PTPRG: variants seen among roughly 807,000 people sequenced by gnomAD.
The protein encoded by PTPRG is receptor-type tyrosine-protein phosphatase gamma.
PTPRG carries 102 observed loss-of-function variants against 165.3 expected under a neutral mutation model. That is an observed-to-expected ratio of 0.62 (90% CI 0.53 to 0.73). The LOEUF is 0.73. Ranked by LOEUF, PTPRG falls within the 30% of genes least tolerant of loss-of-function variation. The pLI is 0.00. For missense variants in PTPRG, 1,866 were observed against 1,861.4 expected, an observed-to-expected ratio of 1.00 and a Z score of -0.05; for synonymous variants, 675 against 669.5, an observed-to-expected ratio of 1.01 and a Z score of -0.13.
intron 2 of PTPRG, among the ~76,000 whole-genome samples, chr3:61,772,014 G>C (rs2034221042): frequency 7.3e-6 from 1 of 137,072 alleles, no homozygotes; most frequent in African/African-American, 2.7e-5. Flanking sequence ...GAGCCGAGAC[G>C]ATGCCTCTGC....
intron 2 of PTPRG, chr3:61,753,478 A>G (rs919889722): frequency 9.0e-6 from 3 of 334,128 alleles, no homozygotes; most frequent in East Asian, 8.2e-5. Context: ...CAGAACTTCT[A>G]TAATTATTGC....
intron 1 of PTPRG, among the ~76,000 whole-genome samples, chr3:61,729,995 G>A (rs747779686): frequency 1.2e-4 from 19 of 152,154 alleles, no homozygotes; most frequent in Non-Finnish European, 2.4e-4. Context: ...TAACGTGGTG[G>A]TTCATTTCGT....
At chr3:62,246,612 C>T (rs1445556340) in intron 15 of PTPRG, among the ~76,000 whole-genome samples, 2 of 152,152 alleles carry the variant, frequency 1.3e-5, no homozygotes, top group African/African-American at 4.8e-5. Flanking sequence ...TTTTAACAAA[C>T]TTGTGAGTTA....
chr3:62,214,334 C>G lies in PTPRG; in HGVS notation c.2156-4517C>G, dbSNP rs1700443762. Among the ~76,000 whole-genome samples the G allele has an allele frequency of 6.6e-6, 1 of 152,152 alleles. No homozygotes were observed. The highest frequency in any genetic ancestry group is 6.5e-5 in the Admixed American group (1 of 15,282). On this transcript the variant is annotated intron_variant, in intron 12 of 29. Coordinates refer to ENST00000474889, the MANE Select transcript of PTPRG (RefSeq NM_002841.4). This position sits in a 1 kb window ranked among gnomAD's most constrained non-coding sequence, Gnocchi z 5.2. Reference sequence around the variant, plus strand: ...GTGGCGGGTGATGGTGTTGCCGAAGCTGGGGTGGTGGTGATGACAATAATC... The same window carrying G: ...GTGGCGGGTGATGGTGTTGCCGAAGGTGGGGTGGTGGTGATGACAATAATC...
At chr3:62,074,886 C>T (rs934837048) in intron 4 of PTPRG, among the ~76,000 whole-genome samples, 2 of 152,078 alleles carry the variant, frequency 1.3e-5, no homozygotes, top group African/African-American at 2.4e-5. Flanking sequence ...TAGTTTCCAG[C>T]CTCTGTCCAA....
At chr3:61,837,301 G>C (rs1173654504) in intron 2 of PTPRG, among the ~76,000 whole-genome samples, 1 of 152,210 alleles carries the variant, frequency 6.6e-6, no homozygotes, top group Non-Finnish European at 1.5e-5. Flanking sequence ...GCCTGCCACA[G>C]CCACCCAAAG....
intron 2 of PTPRG, among the ~76,000 whole-genome samples, chr3:61,793,539 T>C (rs1049320015): frequency 2.6e-5 from 4 of 152,212 alleles, no homozygotes; most frequent in African/African-American, 9.7e-5. Flanking sequence ...TTAAACTTTT[T>C]AATTATTTGA....
intron 2 of PTPRG, among the ~76,000 whole-genome samples, chr3:61,987,878 C>T (rs1228882244): frequency 2.0e-5 from 3 of 151,640 alleles, no homozygotes; most frequent in Non-Finnish European, 4.4e-5. Flanking sequence ...TATGTAGATG[C>T]AAGATGAAAA....
chr3:62,178,164 T>C (rs1269906134), intron 8 of PTPRG, among the ~76,000 whole-genome samples: 1 of 150,522 alleles, frequency 6.6e-6, no homozygotes, highest in Non-Finnish European at 1.5e-5. Flanking sequence ...GATGGATGGA[T>C]GGATGGATGG....
chr3:62,292,348 G>A, intron 28 of PTPRG, 73 bp from the exon 29 acceptor site: 2 of 1,447,388 alleles, frequency 1.4e-6, no homozygotes, highest in South Asian at 2.6e-5. Context: ...GAAAATACAT[G>A]ACAGTAATTT....
At chr3:62,069,704 A>G (rs1701147303) in intron 4 of PTPRG, among the ~76,000 whole-genome samples, 1 of 150,866 alleles carries the variant, frequency 6.6e-6, no homozygotes, top group African/African-American at 2.5e-5. Flanking sequence ...ACACACGCAC[A>G]CACACACACA....
chr3:61,634,611 A>C (rs1701857271), intron 1 of PTPRG, among the ~76,000 whole-genome samples: 1 of 151,944 alleles, frequency 6.6e-6, no homozygotes, highest in African/African-American at 2.4e-5. Context: ...GTGGAAACCT[A>C]AACTTTTAGG....
intron 1 of PTPRG, among the ~76,000 whole-genome samples, chr3:61,664,216 A>G (rs1325530407): frequency 6.6e-6 from 1 of 152,160 alleles, no homozygotes; most frequent in Non-Finnish European, 1.5e-5. Context: ...CCCACTCTAC[A>G]TGCTCCTTGT....
At chr3:62,053,845 TTG>T (rs1382995394) in intron 4 of PTPRG, among the ~76,000 whole-genome samples, 1 of 152,304 alleles carries the variant, frequency 6.6e-6, no homozygotes, top group East Asian at 1.9e-4. Flanking sequence ...GTTAGATAAT[TTG>T]ACTTCCTAGC....
At chr3:61,895,170 C>G (rs571471338) in intron 2 of PTPRG, among the ~76,000 whole-genome samples, 1 of 152,096 alleles carries the variant, frequency 6.6e-6, no homozygotes, top group Non-Finnish European at 1.5e-5. Context: ...GAAACTCATG[C>G]GTATGAGTCA....
chr3:61,682,643 A>G (rs1425731708), intron 1 of PTPRG, among the ~76,000 whole-genome samples: 2 of 152,134 alleles, frequency 1.3e-5, no homozygotes, highest in African/African-American at 4.8e-5. Context: ...CCACCCCTCA[A>G]TTCTTGATTC....
chr3:61,770,007 G>T (rs1418416423), intron 2 of PTPRG: 1 of 152,176 alleles, frequency 6.6e-6, no homozygotes, highest in Admixed American at 6.5e-5. Context: ...ACATGGTAAA[G>T]GTGGCTGTGA....
chr3:62,277,060 C>T lies in PTPRG; in HGVS notation c.3636+12C>T, dbSNP rs1226498951. On this transcript the variant is annotated intron_variant, in intron 25 of 29. Coordinates refer to ENST00000474889, the MANE Select transcript of PTPRG (RefSeq NM_002841.4). ...CTTCTTATATCATGGTGAGAGTCAA[C>T]AGTTAATTATAAATAAAGTCAACTA... The T allele has an allele frequency of 1.2e-6, 2 of 1,601,958 alleles. No homozygotes were observed. Among genetic ancestry groups the T allele is most frequent in the East Asian group, 2.2e-5 (1 of 44,762 alleles).
In PTPRG at chr3:62,203,097, C is replaced by G; in HGVS notation, c.1378-76C>G. ...AGGGTGACAACCAGGGCCTCATTCC[C>G]AATCTCAATTACTGATGCTTCTCTG... On this transcript the variant is annotated intron_variant, in intron 11 of 29. Coordinates refer to ENST00000474889, the MANE Select transcript of PTPRG (RefSeq NM_002841.4). The surrounding 1 kb of genome is among the most constrained non-coding windows in gnomAD (Gnocchi z 6.4). 1.3e-6 allele frequency: 2 copies of G among 1,515,932 alleles called. No homozygotes were observed. The highest frequency in any genetic ancestry group is 1.8e-6 in the Non-Finnish European group (2 of 1,132,418). 93.9% of individuals were successfully genotyped at this position (1,515,932 alleles called of 1,614,324 possible).
Sources: gnomAD v4.1 joint callset for allele counts (sites outside exome capture counted in the v4.1 genomes callset) on GRCh38, gnomAD v4.1.1 for gene constraint, Gnocchi (gnomAD v3.1) non-coding constraint, MANE v1.5 for transcripts, NCBI Gene and HGNC (gene_info 2026-07-23, HGNC 2026-07-21) for gene names.